TECR: variants seen among roughly 807,000 people sequenced by gnomAD.
TECR encodes trans-2,3-enoyl-CoA reductase, also known as very-long-chain enoyl-CoA reductase.
In TECR, 19 loss-of-function variants were observed where a neutral mutation model predicts 50.6. That is an observed-to-expected ratio of 0.38 (90% CI 0.26 to 0.55). The LOEUF (loss-of-function observed/expected upper bound fraction) is 0.55, where lower values mean the gene tolerates loss of function less well. Among genes scored for constraint, TECR ranks in the 20% least tolerant of loss-of-function variants. TECR has a pLI of 0.79. For missense variants in TECR, 313 were observed against 408.3 expected (o/e 0.77, Z 2.01); for synonymous variants, 168 against 163.5 (o/e 1.03, Z -0.21).
intron 1 of TECR, among the ~76,000 whole-genome samples, chr19:14,544,533 T>C (rs1233553849): frequency 6.6e-6 from 1 of 151,608 alleles, no homozygotes; most frequent in Non-Finnish European, 1.5e-5. Flanking sequence ...TGGCTTTGAG[T>C]GCGGGTCCTG....
At position 14,565,357 on chromosome 19, in the gene TECR, G is replaced by C; in HGVS notation, c.753+67G>C. On this transcript the variant is annotated intron_variant, in intron 11 of 12. Coordinates refer to ENST00000215567, the MANE Select transcript of TECR (RefSeq NM_138501.6). Reference sequence around the variant, plus strand: ...TCCCATGTGGAGGGACCAGCCCCTAGGATGGGGCGCCTGGCTGGGCAGCTG... The same window carrying C: ...TCCCATGTGGAGGGACCAGCCCCTACGATGGGGCGCCTGGCTGGGCAGCTG... The C allele has an allele frequency of 3.8e-6, 6 of 1,588,298 alleles. No individual in the cohort carries two copies. The South Asian group carries it at 6.6e-5, about 18-fold the overall frequency.
At chr19:14,531,023 A>T (rs1312613391) in intron 1 of TECR, 1 of 151,916 alleles carries the variant, frequency 6.6e-6, no homozygotes, top group Non-Finnish European at 1.5e-5. Flanking sequence ...GGTACCTTGG[A>T]TACGTAGAAG....
At chr19:14,536,173 G>A (rs1326783951) in intron 1 of TECR, among the ~76,000 whole-genome samples, 2 of 152,108 alleles carry the variant, frequency 1.3e-5, no homozygotes, top group African/African-American at 4.8e-5. Flanking sequence ...AGGTGGCAAT[G>A]CTTACGGGCT....
chr19:14,548,577 G>A (rs115347106), intron 1 of TECR, among the ~76,000 whole-genome samples: 28,799 of 152,048 alleles, frequency 0.19, 3,341 homozygotes, highest in South Asian at 0.42. Flanking sequence ...CATCTCTGTC[G>A]TCTCTTTTTT....
chr19:14,539,745 C>T (rs1480805238), intron 1 of TECR, among the ~76,000 whole-genome samples: 1 of 152,122 alleles, frequency 6.6e-6, no homozygotes, highest in African/African-American at 2.4e-5. Context: ...CTTCGTGTTA[C>T]CGAGCGCTCA....
chr19:14,564,554 G>GA, intron 7 of TECR: 1 of 42,332 alleles, frequency 2.4e-5, no homozygotes, highest in East Asian at 2.8e-4. Flanking sequence ...CCCCAGCCCC[G>GA]CCCCTGCAGA....
intron 1 of TECR, among the ~76,000 whole-genome samples, chr19:14,560,762 G>A (rs943594906): frequency 4.6e-5 from 7 of 152,210 alleles, no homozygotes; most frequent in Non-Finnish European, 8.8e-5. Context: ...AAGTGGGGGC[G>A]AGTGTGTCAT....
chr19:14,537,039 C>G (rs2072925346), intron 1 of TECR, among the ~76,000 whole-genome samples: 1 of 121,080 alleles, frequency 8.3e-6, no homozygotes, highest in African/African-American at 3.3e-5. Context: ...GAGGGGGAGG[C>G]GGGTCCCAAG....
chr19:14,559,868 G>C (rs568756256), intron 1 of TECR, among the ~76,000 whole-genome samples: 19 of 152,280 alleles, frequency 1.2e-4, no homozygotes, highest in African/African-American at 3.8e-4. Flanking sequence ...GAGCCTTTCA[G>C]TCCTCTCTCT....
intron 1 of TECR, among the ~76,000 whole-genome samples, chr19:14,533,213 G>T (rs1253649028): frequency 6.6e-6 from 1 of 152,110 alleles, no homozygotes; most frequent in African/African-American, 2.4e-5. Flanking sequence ...GTGAGGTCAG[G>T]AGTTTGAGAC....
At position 14,563,107 on chromosome 19, in the gene TECR, T is replaced by G. The variant is rs761747212; in HGVS notation, c.67-99T>G. 1 of 1,505,122 alleles carries G rather than the reference T, an allele frequency of 6.6e-7. No individual in the cohort carries two copies. The highest frequency in any genetic ancestry group is 9.2e-7 in the Non-Finnish European group (1 of 1,091,668). The allele number at this position is 1,505,122 out of a possible 1,614,324, so 93.2% of individuals were successfully genotyped here. A position where few individuals can be genotyped will look rare whatever the true frequency, so the allele number is the denominator to read the frequency against. ...CCCAGCCCTTCCCCCTTCCCATAGCTACAGCCCAACCCCCAGCCTGCCATC... is the reference window on the plus strand; with the variant it reads ...CCCAGCCCTTCCCCCTTCCCATAGCGACAGCCCAACCCCCAGCCTGCCATC... On this transcript the variant is annotated intron_variant, in intron 2 of 12. Transcript: ENST00000215567. This position sits in a 1 kb window ranked among gnomAD's most constrained non-coding sequence, Gnocchi z 5.3.
intron 1 of TECR, among the ~76,000 whole-genome samples, chr19:14,546,457 C>T (rs909893140): frequency 5.3e-5 from 8 of 152,164 alleles, no homozygotes; most frequent in East Asian, 1.9e-4. Flanking sequence ...TGCAGTGGCA[C>T]GTGTCTGTAA....
intron 1 of TECR, among the ~76,000 whole-genome samples, chr19:14,558,351 G>C (rs1245845159): frequency 6.6e-6 from 1 of 152,174 alleles, no homozygotes; most frequent in East Asian, 1.9e-4. Flanking sequence ...GTGAAGACGG[G>C]CTCTGTTGCT....
intron 1 of TECR, among the ~76,000 whole-genome samples, chr19:14,540,876 C>G (rs540906271): frequency 7.2e-5 from 11 of 152,084 alleles, no homozygotes; most frequent in Non-Finnish European, 1.6e-4. Flanking sequence ...TTGCTCTTGC[C>G]CAGGCTGGAG....
intron 1 of TECR, among the ~76,000 whole-genome samples, chr19:14,553,732 C>T (rs2073620016): frequency 6.6e-6 from 1 of 152,100 alleles, no homozygotes; most frequent in African/African-American, 2.4e-5. Flanking sequence ...GCGAGGTGGC[C>T]GGCGTGGCTC....
chr19:14,538,250 G>A (rs1246673681), intron 1 of TECR, among the ~76,000 whole-genome samples: 2 of 152,150 alleles, frequency 1.3e-5, no homozygotes, highest in African/African-American at 4.8e-5. Flanking sequence ...AAAGAATCAA[G>A]TGTGTGGTGG....
intron 1 of TECR, among the ~76,000 whole-genome samples, chr19:14,551,062 C>T (rs2073484637): frequency 6.6e-6 from 1 of 151,836 alleles, no homozygotes; most frequent in Non-Finnish European, 1.5e-5. Context: ...ATTATATCTG[C>T]AAAGACACTA....
At chr19:14,562,296 T>C (rs1230233673) in intron 1 of TECR, 1 of 631,294 alleles carries the variant, frequency 1.6e-6, no homozygotes, top group Non-Finnish European at 2.9e-6. Flanking sequence ...GGCCCAGGGC[T>C]GCTTCCCGTG....
chr19:14,538,132 G>T (rs1026557637), intron 1 of TECR, among the ~76,000 whole-genome samples: 2 of 152,170 alleles, frequency 1.3e-5, no homozygotes, highest in African/African-American at 2.4e-5. Context: ...TTGACTGATG[G>T]AGAAACTGAG....
Sources: gnomAD v4.1 joint callset for allele counts (sites outside exome capture counted in the v4.1 genomes callset) on GRCh38, gnomAD v4.1.1 for gene constraint, Gnocchi (gnomAD v3.1) non-coding constraint, MANE v1.5 for transcripts, NCBI Gene and HGNC (gene_info 2026-07-23, HGNC 2026-07-21) for gene names.